Variants in BMP1 observed in about 807,000 individuals in gnomAD.
BMP1 encodes the protein mammalian tolloid protein.
Under a neutral mutation model 116.8 loss-of-function variants are expected in BMP1, and 63 were observed. The ratio of observed to expected loss-of-function variants is 0.54; its 90% CI spans 0.44 to 0.67. The LOEUF (loss-of-function observed/expected upper bound fraction) is 0.67, where lower values mean the gene tolerates loss of function less well. Ranked by LOEUF, BMP1 falls within the 30% of genes least tolerant of loss-of-function variation. The pLI is 0.00. For synonymous variants in BMP1, 536 were observed against 533.4 expected, an observed-to-expected ratio of 1.00 and a Z score of -0.07; for missense variants, 1,183 against 1,358.9, an observed-to-expected ratio of 0.87 and a Z score of 2.04.
At position 22,177,852 on chromosome 8, in the gene BMP1, G is replaced by A. The variant is rs773376817; in HGVS notation, c.731G>A (p.Gly244Glu). ...VSIVRENIQP[G>E]QEYNFLKMEP... ...CACACCCTTTTCCTGATCTTGGCAG[G>A]GCAGGAGTATAACTTCCTGAAGATG... The change falls in exon 6 of 20, where the codon GGG (glycine) becomes GAG (glutamate). Residue 244 changes from glycine (G) to glutamate (E), a missense_variant and splice_region_variant. Physicochemically the swap from Gly to Glu is moderately conservative, Grantham distance 98. Coordinates refer to ENST00000306385, the MANE Select transcript of BMP1 (RefSeq NM_006129.5). The A allele has an allele frequency of 1.2e-6, 2 of 1,607,566 alleles. No individual in the cohort carries two copies. The highest frequency in any genetic ancestry group is 1.7e-6 in the Non-Finnish European group (2 of 1,174,950).
Position 22,165,534 on chromosome 8 carries a change from C to T in BMP1, c.129C>T (p.Tyr43=). The change falls in exon 1 of 20, where the codon TAC becomes TAT. Residue 43 remains tyrosine (Y), a synonymous_variant. Coordinates refer to ENST00000306385, the MANE Select transcript of BMP1 (RefSeq NM_006129.5). Reference sequence around the variant, plus strand: ...AGGACGACTCGGAGCCCCTCAACTACAAAGACCCCTGCAAGGCGGGTGAGC... The same window carrying T: ...AGGACGACTCGGAGCCCCTCAACTATAAAGACCCCTGCAAGGCGGGTGAGC... ...AEEDDSEPLN[Y]KDPCKAAAFL... is the part of the protein sequence containing the mutation. 6.3e-7 allele frequency: 1 copy of T among 1,590,776 alleles called. No homozygotes were observed. The highest frequency in any genetic ancestry group is 8.5e-7 in the Non-Finnish European group (1 of 1,170,872).
rs755250258 is a variant in BMP1 at position 22,194,165 on chromosome 8, G to T, written c.1288G>T (p.Val430Phe). 1 of 1,614,040 alleles carries T rather than the reference G, an allele frequency of 6.2e-7. No homozygotes were observed. Among genetic ancestry groups the T allele is most frequent in the South Asian group, 1.1e-5 (1 of 91,076 alleles). Residue 430 changes from valine to phenylalanine, a missense_variant, in exon 10 of 20, where the codon GTC (valine) becomes TTC (phenylalanine). By Grantham distance (50) the Val-to-Phe change is conservative (BLOSUM62 -1). Transcript: ENST00000306385. This position sits in a 1 kb window ranked among gnomAD's most constrained non-coding sequence, Gnocchi z 4.5. Reference protein sequence around the residue: ...SNWVGKGFFAVYEAICGGDVK... With the variant: ...SNWVGKGFFAFYEAICGGDVK... Reference sequence around the variant, plus strand: ...TTGGGTTGGAAAGGGCTTCTTTGCAGTCTACGAAGGTACTGAGGAAGGCGG... The same window carrying T: ...TTGGGTTGGAAAGGGCTTCTTTGCATTCTACGAAGGTACTGAGGAAGGCGG...
intron 16 of BMP1, among the ~76,000 whole-genome samples, chr8:22,205,040 AC>A (rs1248714892): frequency 3.3e-5 from 5 of 152,150 alleles, no homozygotes; most frequent in African/African-American, 9.7e-5. Context: ...GTCCATCCTG[AC>A]GGGGAGGAGG....
chr8:22,207,452 G>A lies in BMP1; in HGVS notation c.2511G>A (p.Met837Ile). 1.2e-6 allele frequency: 2 copies of A among 1,614,130 alleles called. No homozygotes were observed. Among genetic ancestry groups the A allele is most frequent in the Non-Finnish European group, 1.7e-6 (2 of 1,180,040 alleles). Residue 837 changes from methionine (M) to isoleucine (I), a missense_variant, in exon 18 of 20, where the codon ATG becomes ATA. By Grantham distance (10) the Met-to-Ile change is conservative. Transcript: ENST00000306385. The part of the protein sequence containing the change: ...PEPVLATGSR[M>I]FLRFYSDNSV... ...CCGTCCTGGCCACAGGCAGCCGCATGTTCCTGCGCTTCTACTCAGATAACT... is the reference window on the plus strand; with the variant it reads ...CCGTCCTGGCCACAGGCAGCCGCATATTCCTGCGCTTCTACTCAGATAACT...
chr8:22,168,193 G>A (rs1828172068), intron 1 of BMP1, among the ~76,000 whole-genome samples: 1 of 152,166 alleles, frequency 6.6e-6, no homozygotes, highest in South Asian at 2.1e-4. Context: ...GTGAGACCAG[G>A]ACGTTGGGCA....
At chr8:22,206,251 C>T (rs1486885181) in intron 16 of BMP1, among the ~76,000 whole-genome samples, 2 of 152,010 alleles carry the variant, frequency 1.3e-5, no homozygotes, top group Admixed American at 6.6e-5. Context: ...CCTGTAATCC[C>T]AGCACTTTGG....
intron 19 of BMP1, 100 bp from the exon 20 acceptor site, chr8:22,211,494 C>G: frequency 2.6e-6 from 4 of 1,530,444 alleles, no homozygotes; most frequent in Non-Finnish European, 2.7e-6. Context: ...TGGTGGCTGC[C>G]TGGGAGCCTC....
rs752059486 is a variant in BMP1, at chr8:22,206,959, C to A, written c.2339C>A (p.Thr780Asn). 1 of 1,614,160 alleles carries A rather than the reference C, an allele frequency of 6.2e-7. No individual in the cohort carries two copies. Among genetic ancestry groups the A allele is most frequent in the Non-Finnish European group, 8.5e-7 (1 of 1,179,998 alleles). ...KKECTWAISS[T>N]PGHRVKLTFM... Reference sequence around the variant, plus strand: ...GAGTGCACGTGGGCCATCTCCAGCACCCCCGGGCACCGGGTCAAGCTGGTA... The same window carrying A: ...GAGTGCACGTGGGCCATCTCCAGCAACCCCGGGCACCGGGTCAAGCTGGTA... Residue 780 changes from threonine (T) to asparagine (N), a missense_variant, in exon 17 of 20, where the codon ACC (threonine) becomes AAC (asparagine). Physicochemically the swap from Thr to Asn is moderately conservative, Grantham distance 65. Around this residue, in one of 4 missense-constraint regions of BMP1, gnomAD observed 956 missense variants for 1,135.2 expected, o/e 0.84. Transcript: ENST00000306385.
intron 2 of BMP1, among the ~76,000 whole-genome samples, chr8:22,175,008 A>G (rs183288846): frequency 1.2e-4 from 19 of 152,324 alleles, no homozygotes; most frequent in Admixed American, 3.9e-4. Context: ...GCTTGAGGGA[A>G]GATCCTGATG....
At chr8:22,208,006 C>T (rs1473423123) in intron 18 of BMP1, among the ~76,000 whole-genome samples, 1 of 152,148 alleles carries the variant, frequency 6.6e-6, no homozygotes, top group African/African-American at 2.4e-5. Context: ...GCCTCAGCCT[C>T]CCGTGTAGCT....
chr8:22,191,773 G>T (rs535085569), intron 8 of BMP1, among the ~76,000 whole-genome samples: 1 of 152,346 alleles, frequency 6.6e-6, no homozygotes, highest in South Asian at 2.1e-4. Context: ...ATTGTGGGTT[G>T]TGTTATCTAA....
chr8:22,188,221 C>G (rs1483566851), intron 8 of BMP1, among the ~76,000 whole-genome samples: 4 of 141,348 alleles, frequency 2.8e-5, no homozygotes, highest in African/African-American at 1.1e-4. Context: ...TGCTCTGTTG[C>G]CCAGTGGTGT....
intron 15 of BMP1, among the ~76,000 whole-genome samples, chr8:22,200,933 C>T (rs1409081916): frequency 1.3e-5 from 2 of 152,138 alleles, no homozygotes; most frequent in Non-Finnish European, 2.9e-5. Flanking sequence ...TAACCCAGCC[C>T]TCCGTGCCCT....
chr8:22,196,569 G>A (rs1586463300), intron 13 of BMP1, 111 bp from the exon 14 acceptor site: 44 of 1,516,028 alleles, frequency 2.9e-5, no homozygotes, highest in Non-Finnish European at 4.0e-5. Context: ...CCTGAGCCTT[G>A]GGGAGTCCAC....
chr8:22,189,684 C>T (rs1183596096), intron 8 of BMP1, among the ~76,000 whole-genome samples: 1 of 151,880 alleles, frequency 6.6e-6, no homozygotes, highest in South Asian at 2.1e-4. Flanking sequence ...CCAGGCTGGT[C>T]TCAAACTCCT....
chr8:22,196,014 C>T (rs1201045181), intron 13 of BMP1, among the ~76,000 whole-genome samples: 1 of 152,116 alleles, frequency 6.6e-6, no homozygotes, highest in Non-Finnish European at 1.5e-5. Flanking sequence ...CTTTTCATAG[C>T]TCATGGATAA....
chr8:22,193,475 T>C (rs1297383698), intron 9 of BMP1, among the ~76,000 whole-genome samples: 1 of 152,204 alleles, frequency 6.6e-6, no homozygotes, highest in African/African-American at 2.4e-5. Context: ...AACACATATA[T>C]AGTTGGACAT....
rs191642479 is a variant in BMP1, at chr8:22,197,391, A to G, written c.2078A>G (p.Lys693Arg). 2.5e-6 allele frequency: 4 copies of G among 1,611,808 alleles called. No individual in the cohort carries two copies. In the Admixed American group the frequency reaches 5.0e-5, roughly 20 times the overall value. Residue 693 changes from lysine (K) to arginine (R), a missense_variant, in exon 15 of 20, where the codon AAA becomes AGA. Transcript: ENST00000306385. ...TTCAAGTCCGACAACACCGTGTCCA[A>G]AAAGGGCTTCAAGGCCCACTTCTTC... ...VEFKSDNTVSKKGFKAHFFSD... is the reference protein window; with the variant it reads ...VEFKSDNTVSRKGFKAHFFSD...
At chr8:22,204,376 C>T (rs1417462002) in intron 16 of BMP1, among the ~76,000 whole-genome samples, 1 of 152,194 alleles carries the variant, frequency 6.6e-6, no homozygotes, top group African/African-American at 2.4e-5. Context: ...GCCTGTTTCC[C>T]CCAGTGAAAG....
Sources: allele counts gnomAD v4.1 joint callset (sites outside exome capture counted in the v4.1 genomes callset), GRCh38; gene constraint gnomAD v4.1.1; regional missense constraint gnomAD v4.1.1; non-coding constraint Gnocchi (gnomAD v3.1); transcripts MANE v1.5; gene names NCBI Gene and HGNC (gene_info 2026-07-23, HGNC 2026-07-21).